CEP83: variants seen among roughly 807,000 people sequenced by gnomAD.
CEP83 encodes centrosomal protein of 83 kDa.
In CEP83, 70 loss-of-function variants were observed where a neutral mutation model predicts 101.9. That is an observed-to-expected ratio of 0.69 (90% CI 0.57 to 0.84). CEP83 has a LOEUF of 0.84. Among genes scored for constraint, CEP83 ranks in the 40% least tolerant of loss-of-function variants. The pLI is 0.00. For missense variants in CEP83, 715 were observed against 787.2 expected (o/e 0.91, Z 1.10); for synonymous variants, 264 against 267.9 (o/e 0.99, Z 0.14).
rs187004712 is a variant in CEP83, at chr12:94,379,041, A to G, written c.551T>C (p.Ile184Thr). 1 of 1,593,722 alleles carries G rather than the reference A, an allele frequency of 6.3e-7. No homozygotes were observed. The highest frequency in any genetic ancestry group is 2.2e-5 in the East Asian group (1 of 44,640). Residue 184 changes from isoleucine (I) to threonine (T), a missense_variant and splice_region_variant, in exon 7 of 17, where the codon ATT becomes ACT. Coordinates refer to ENST00000397809, the MANE Select transcript of CEP83 (RefSeq NM_016122.3). ...TTCTTTATCTTCCTCCAGTCTTGCA[A>G]TCTAATAATAATTTTAAAGAAAGCA... ...DEGKIKYESEIARLEEDKEEL... is the reference protein window; with the variant it reads ...DEGKIKYESETARLEEDKEEL...
chr12:94,348,380 G>C (rs2060039674), intron 11 of CEP83, among the ~76,000 whole-genome samples: 1 of 152,070 alleles, frequency 6.6e-6, no homozygotes, highest in African/African-American at 2.4e-5. Flanking sequence ...ATGGTCATTT[G>C]GCATTTGAAG....
intron 14 of CEP83, among the ~76,000 whole-genome samples, chr12:94,314,874 G>A (rs1248377030): frequency 6.6e-6 from 1 of 152,106 alleles, no homozygotes; most frequent in Non-Finnish European, 1.5e-5. Context: ...ATGCTCTTTT[G>A]TATCTGGACT....
At position 94,331,741 on chromosome 12, in the gene CEP83, C is replaced by T; in HGVS notation, c.1666G>A (p.Ala556Thr). The T allele has an allele frequency of 6.2e-7, 1 of 1,614,090 alleles. No individual in the cohort carries two copies. Among genetic ancestry groups the T allele is most frequent in the Non-Finnish European group, 8.5e-7 (1 of 1,179,974 alleles). The change falls in exon 14 of 17, where the codon GCT (alanine) becomes ACT (threonine). Residue 556 changes from alanine (A) to threonine (T), a missense_variant. Ala to Thr is a moderately conservative substitution (Grantham distance 58, BLOSUM62 0). Transcript: ENST00000397809. ...GCAGCTCGCTGCAGTTTCTCCTTAG[C>T]TTGATTGTACTTTTCTTCTCTGTCT... Reference protein sequence around the residue: ...ITDREEKYNQAKEKLQRAAIA... With the variant: ...ITDREEKYNQTKEKLQRAAIA...
At chr12:94,297,065 C>A in the CEP83 span, 1 of 869,254 alleles carries the variant, frequency 1.2e-6, no homozygotes, top group South Asian at 1.5e-5. Context: ...ATGGAGAGCT[C>A]AAGTCAAAAA....
At chr12:94,362,265 G>A (rs1164966762) in intron 11 of CEP83, among the ~76,000 whole-genome samples, 2 of 152,084 alleles carry the variant, frequency 1.3e-5, no homozygotes, top group Non-Finnish European at 2.9e-5. Flanking sequence ...CTAATACACT[G>A]TTAGTGGGGA....
intron 6 of CEP83, among the ~76,000 whole-genome samples, chr12:94,384,434 CAT>C: frequency 6.6e-6 from 1 of 152,236 alleles, no homozygotes; most frequent in Admixed American, 6.5e-5. Context: ...CTTGAAGCTA[CAT>C]GTTTGTGCCT....
intron 6 of CEP83, among the ~76,000 whole-genome samples, chr12:94,397,609 C>T (rs560433396): frequency 2.2e-4 from 33 of 152,220 alleles, no homozygotes; most frequent in African/African-American, 6.0e-4. Flanking sequence ...CATCAGATTT[C>T]GAATGCAGGT....
the CEP83 span, chr12:94,279,525 T>C: frequency 3.1e-6 from 5 of 1,614,206 alleles, no homozygotes; most frequent in Non-Finnish European, 4.2e-6. Flanking sequence ...CAGATGTCTG[T>C]CGGAATATTT....
chr12:94,411,237 T>C (rs1471885010), intron 4 of CEP83, among the ~76,000 whole-genome samples: 1 of 152,190 alleles, frequency 6.6e-6, no homozygotes, highest in Non-Finnish European at 1.5e-5. Flanking sequence ...TATCTTTTGC[T>C]TTACAAACCC....
chr12:94,334,914 T>C (rs1160207841), intron 12 of CEP83, among the ~76,000 whole-genome samples: 1 of 152,074 alleles, frequency 6.6e-6, no homozygotes, highest in African/African-American at 2.4e-5. Context: ...CCAATGATAC[T>C]AAATAACTTC....
At position 94,317,859 on chromosome 12, in the gene CEP83, C is replaced by T. The variant is rs527695129; in HGVS notation, c.1708-4842G>A. Reference sequence around the variant, plus strand: ...TAAGTCAGGTAGCATGATGACTCCACGTTTTTTGTTGTTGTTGTTTGGCAT... The same window carrying T: ...TAAGTCAGGTAGCATGATGACTCCATGTTTTTTGTTGTTGTTGTTTGGCAT... On this transcript the variant is annotated intron_variant, in intron 14 of 16. Coordinates refer to ENST00000397809, the MANE Select transcript of CEP83 (RefSeq NM_016122.3). Among the ~76,000 whole-genome samples, 20 of 151,316 alleles carry T rather than the reference C, an allele frequency of 1.3e-4. 1 individual carries two copies. The East Asian group carries it at 3.5e-3, about 26-fold the overall frequency.
chr12:94,312,090 T>A (rs1261533344), intron 15 of CEP83, among the ~76,000 whole-genome samples: 1 of 151,990 alleles, frequency 6.6e-6, no homozygotes. Context: ...AAAAAAAGAA[T>A]TGAAACAAAA....
chr12:94,428,494 C>T (rs6538499), intron 2 of CEP83, among the ~76,000 whole-genome samples: 86,146 of 152,054 alleles, frequency 0.57, 24,557 homozygotes, highest in African/African-American at 0.64. Context: ...TTTAATTTTA[C>T]TTCTATGAGA....
chr12:94,328,712 C>T (rs978877488), intron 14 of CEP83, among the ~76,000 whole-genome samples: 1 of 152,010 alleles, frequency 6.6e-6, no homozygotes, highest in Non-Finnish European at 1.5e-5. Context: ...ACATAAGAAA[C>T]GACTCATATG....
rs935202189 is a variant in CEP83, at chr12:94,424,285, T to C, written c.-102+10990A>G. On this transcript the variant is annotated intron_variant, in intron 2 of 16. Transcript: ENST00000397809. The stretch of plus-strand genomic sequence containing the variant: ...CCCGTCCATTTTGCACAAATATTCC[T>C]TGGTTCTGTCGTTTCTTTGGCCCGC... The C allele has an allele frequency of 1.9e-6, 3 of 1,614,066 alleles. No individual in the cohort carries two copies. The African/African-American group carries it at 4.0e-5, about 22-fold the overall frequency.
chr12:94,413,186 C>A (rs947760035), intron 2 of CEP83, among the ~76,000 whole-genome samples: 8 of 152,174 alleles, frequency 5.3e-5, no homozygotes, highest in African/African-American at 1.9e-4. Context: ...AAGCCCAATT[C>A]TCAGATTTTA....
At chr12:94,301,738 C>A (rs1044812246), downstream of CEP83, among the ~76,000 whole-genome samples, 2 of 152,196 alleles carry the variant, frequency 1.3e-5, no homozygotes, top group Non-Finnish European at 2.9e-5. Flanking sequence ...TGATGTTCCA[C>A]AGGTGCCTCA....
At chr12:94,362,651 CAG>C (rs1382400293) in intron 11 of CEP83, among the ~76,000 whole-genome samples, 1 of 151,980 alleles carries the variant, frequency 6.6e-6, no homozygotes, top group Non-Finnish European at 1.5e-5. Flanking sequence ...AAAACTGAAA[CAG>C]AACTACCACA....
At chr12:94,272,714 G>A in the CEP83 span, among the ~76,000 whole-genome samples, 1 of 152,206 alleles carries the variant, frequency 6.6e-6, no homozygotes, top group African/African-American at 2.4e-5. Flanking sequence ...GGAGCATACT[G>A]GCCACACCTG....
Sources: gnomAD v4.1 joint callset for allele counts (sites outside exome capture counted in the v4.1 genomes callset) on GRCh38, gnomAD v4.1.1 for gene constraint, MANE v1.5 for transcripts, NCBI Gene and HGNC (gene_info 2026-07-23, HGNC 2026-07-21) for gene names.